CHRM3: variants seen among roughly 807,000 people sequenced by gnomAD.
CHRM3 encodes the protein muscarinic acetylcholine receptor M3.
Under a neutral mutation model 41.8 loss-of-function variants are expected in CHRM3, and 11 were observed. The observed-to-expected ratio is 0.26, with a 90% CI of 0.17 to 0.44. The LOEUF is 0.44. Among genes scored for constraint, CHRM3 ranks in the 20% least tolerant of loss-of-function variants. CHRM3 has a pLI of 1.00. For missense variants in CHRM3, 571 were observed against 745.4 expected, an observed-to-expected ratio of 0.77 and a Z score of 2.72; for synonymous variants, 297 against 301.4, an observed-to-expected ratio of 0.99 and a Z score of 0.15.
intron 6 of CHRM3, among the ~76,000 whole-genome samples, chr1:239,869,851 C>T (rs1342595121): frequency 6.6e-6 from 1 of 152,212 alleles, no homozygotes; most frequent in East Asian, 1.9e-4. Context: ...ATTCATTTGA[C>T]TGATAGAGTG....
At chr1:239,513,170 A>T (rs1409260877) in intron 2 of CHRM3, among the ~76,000 whole-genome samples, 1 of 152,190 alleles carries the variant, frequency 6.6e-6, no homozygotes, top group African/African-American at 2.4e-5. Context: ...AGTGTGAAAC[A>T]TAGTAGAAGA....
intron 5 of CHRM3, among the ~76,000 whole-genome samples, chr1:239,688,667 AATATT>A (rs1659402131): frequency 1.5e-5 from 2 of 133,450 alleles, no homozygotes; most frequent in Admixed American, 8.3e-5. Context: ...TATAATATAT[AATATT>A]ATATGTTATG....
chr1:239,591,428 T>G (rs1319180966), intron 3 of CHRM3, among the ~76,000 whole-genome samples: 1 of 152,150 alleles, frequency 6.6e-6, no homozygotes, highest in Non-Finnish European at 1.5e-5. Context: ...ATAGCTGGAA[T>G]CACCTGCGCT....
At chr1:239,654,171 C>T (rs148302671) in intron 4 of CHRM3, among the ~76,000 whole-genome samples, 1 of 151,882 alleles carries the variant, frequency 6.6e-6, no homozygotes, top group Non-Finnish European at 1.5e-5. Context: ...GGTCTCACTA[C>T]GTTACTCAGG....
At chr1:239,738,292 C>G (rs992924466) in intron 5 of CHRM3, among the ~76,000 whole-genome samples, 3 of 152,160 alleles carry the variant, frequency 2.0e-5, no homozygotes, top group Non-Finnish European at 2.9e-5. Context: ...CTGAAGTCAT[C>G]TATAATTGTA....
intron 5 of CHRM3, among the ~76,000 whole-genome samples, chr1:239,731,069 G>A (rs1197736700): frequency 6.6e-6 from 1 of 151,920 alleles, no homozygotes; most frequent in Non-Finnish European, 1.5e-5. Flanking sequence ...AGATAGTGGT[G>A]CCATTCTTTG....
At chr1:239,897,761 T>G (rs1490170523) in intron 6 of CHRM3, among the ~76,000 whole-genome samples, 1 of 152,186 alleles carries the variant, frequency 6.6e-6, no homozygotes, top group African/African-American at 2.4e-5. Flanking sequence ...TCTTTAGATA[T>G]TCTAATGACA....
chr1:239,509,214 A>T (rs78860214), intron 2 of CHRM3, among the ~76,000 whole-genome samples: 2,358 of 152,274 alleles, frequency 0.015, 49 homozygotes, highest in Middle Eastern at 0.051. Context: ...ATATTTAGTT[A>T]ATTTTATTTA....
At chr1:239,409,595 T>TG (rs1226759901) in intron 1 of CHRM3, among the ~76,000 whole-genome samples, 1 of 152,028 alleles carries the variant, frequency 6.6e-6, no homozygotes, top group Admixed American at 6.6e-5. Flanking sequence ...AAAAAATTTT[T>TG]GGGGCTATTT....
intron 5 of CHRM3, among the ~76,000 whole-genome samples, chr1:239,721,774 A>G (rs531284861): frequency 3.9e-5 from 6 of 151,946 alleles, no homozygotes; most frequent in Admixed American, 1.3e-4. Context: ...TCTGATTCAG[A>G]TTATATGCAC....
In CHRM3 at chr1:239,431,621, A is replaced by T. The variant is rs117622593; in HGVS notation, c.-521+44394A>T. Reference sequence around the variant, plus strand: ...ACCTTTCCGATGCTGTGTATTTCACAGTCGAAGATAGTTAACATTTTGAGT... The same window carrying T: ...ACCTTTCCGATGCTGTGTATTTCACTGTCGAAGATAGTTAACATTTTGAGT... On this transcript the variant is annotated intron_variant, in intron 1 of 6. Transcript: ENST00000676153. 1.9e-3 allele frequency among the ~76,000 whole-genome samples: 297 copies of T among 152,332 alleles called. 7 individuals are homozygous for T. The East Asian group carries it at 0.052, about 27-fold the overall frequency.
intron 6 of CHRM3, among the ~76,000 whole-genome samples, chr1:239,893,835 A>G (rs1678757186): frequency 6.6e-6 from 1 of 151,602 alleles, no homozygotes; most frequent in African/African-American, 2.4e-5. Flanking sequence ...ATAATTTCCT[A>G]TTCATCTCAC....
intron 4 of CHRM3, among the ~76,000 whole-genome samples, chr1:239,633,217 C>A (rs1670059562): frequency 6.6e-6 from 1 of 152,156 alleles, no homozygotes; most frequent in Non-Finnish European, 1.5e-5. Flanking sequence ...ATGATCTGCC[C>A]ACCTCAGCCT....
intron 1 of CHRM3, among the ~76,000 whole-genome samples, chr1:239,401,083 T>C (rs1659931430): frequency 6.6e-6 from 1 of 152,118 alleles, no homozygotes; most frequent in South Asian, 2.1e-4. Context: ...TCAAAGTTGA[T>C]TCTGGGAGGG....
In CHRM3 at chr1:239,914,155, T is replaced by G. The variant is rs1311811566; in HGVS notation, c.*4931T>G. ...TCCCCAGAATCTAAAAGCTTACTAT[T>G]GTTCTTTCTTGGAGTCCAAAATGCT... On this transcript the variant is annotated 3_prime_UTR_variant, in exon 7 of 7. Transcript: ENST00000676153. 1 of 167,100 alleles carries G rather than the reference T, an allele frequency of 6.0e-6. No individual in the cohort carries two copies. Among genetic ancestry groups the G allele is most frequent in the Non-Finnish European group, 1.5e-5 (1 of 68,116 alleles). 10.4% of individuals were successfully genotyped at this position (167,100 alleles called of 1,614,324 possible).
At chr1:239,595,998 T>G (rs1572846217) in intron 3 of CHRM3, among the ~76,000 whole-genome samples, 1 of 152,316 alleles carries the variant, frequency 6.6e-6, no homozygotes, top group East Asian at 1.9e-4. Flanking sequence ...TTCTCATTTT[T>G]AATCAAAGCA....
chr1:239,578,160 A>G (rs1022161708), intron 3 of CHRM3, among the ~76,000 whole-genome samples: 2 of 152,176 alleles, frequency 1.3e-5, no homozygotes, highest in Non-Finnish European at 2.9e-5. Context: ...CATTGTCTCT[A>G]TAGAAGGTCA....
chr1:239,498,463 G>A (rs993503395), intron 2 of CHRM3, among the ~76,000 whole-genome samples: 1 of 152,078 alleles, frequency 6.6e-6, no homozygotes. Flanking sequence ...TAAATTTCTG[G>A]ATAATGAATC....
intron 1 of CHRM3, among the ~76,000 whole-genome samples, chr1:239,444,906 A>G (rs1465813496): frequency 1.3e-5 from 2 of 152,200 alleles, no homozygotes; most frequent in African/African-American, 4.8e-5. Context: ...GGGCGGAGAT[A>G]GTAAAAGAAA....
Sources: allele counts gnomAD v4.1 joint callset (sites outside exome capture counted in the v4.1 genomes callset), GRCh38; gene constraint gnomAD v4.1.1; transcripts MANE v1.5; gene names NCBI Gene and HGNC (gene_info 2026-07-23, HGNC 2026-07-21).